The following THBS2 variants were observed in gnomAD, a reference collection of about 807,000 sequenced individuals.
THBS2 encodes the protein thrombospondin-2.
A neutral mutation model predicts 135.2 loss-of-function variants in THBS2; 47 were observed. That is an observed-to-expected ratio of 0.35 (90% CI 0.28 to 0.44). THBS2 has a LOEUF of 0.44. Among genes scored for constraint, THBS2 ranks in the 20% least tolerant of loss-of-function variants. THBS2 has a pLI of 1.00. For missense variants in THBS2, 1,288 were observed against 1,603.1 expected (o/e 0.80, Z 3.36); for synonymous variants, 639 against 633.8 (o/e 1.01, Z -0.12).
intron 15 of THBS2, among the ~76,000 whole-genome samples, chr6:169,226,879 A>G (rs1009760187): frequency 6.6e-6 from 1 of 152,218 alleles, no homozygotes; most frequent in Non-Finnish European, 1.5e-5. Flanking sequence ...AGGAAGAGCC[A>G]GAACTGAGCT....
intron 21 of THBS2, among the ~76,000 whole-genome samples, chr6:169,219,325 T>G (rs1162468210): frequency 2.1e-4 from 8 of 38,858 alleles, no homozygotes; most frequent in African/African-American, 6.4e-4. Context: ...ATGAGATGGG[T>G]GGGTGTGTGG....
In THBS2 at chr6:169,248,472, G is replaced by T. The variant is rs769719849; in HGVS notation, c.554C>A (p.Ala185Glu). Residue 185 changes from alanine (A) to glutamate (E), a missense_variant, in exon 3 of 22, where the codon GCG becomes GAG. Physicochemically the swap from Ala to Glu is moderately radical, Grantham distance 107 (BLOSUM62 -1). This residue lies in a region of THBS2 where 414 missense variants were observed against 447.0 expected (regional missense o/e 0.93). Transcript: ENST00000617924. ...LDEPFYEHLQ[A>E]EKSRMYVAKG... The stretch of plus-strand genomic sequence containing the variant: ...GGCCACGTACATCCGGCTCTTTTCC[G>T]CCTGCAGGTGCTCGTAGAAGGGCTC... The T allele has an allele frequency of 1.2e-6, 2 of 1,613,084 alleles. No individual in the cohort carries two copies. Among genetic ancestry groups the T allele is most frequent in the African/African-American group, 1.3e-5 (1 of 75,016 alleles).
intron 7 of THBS2, 33 bp downstream of exon 7, chr6:169,239,566 T>C (rs1324347454): frequency 3.2e-6 from 5 of 1,545,322 alleles, no homozygotes; most frequent in Non-Finnish European, 4.4e-6. Flanking sequence ...TTCCTAAAAA[T>C]GCAGGATGCG....
At chr6:169,222,053 A>ATCTT in intron 19 of THBS2, 144 bp downstream of exon 19, 1 of 995,876 alleles carries the variant, frequency 1.0e-6, no homozygotes, top group African/African-American at 1.6e-5. Flanking sequence ...GTCTATAATA[A>ATCTT]AGTAAGATTA....
At position 169,248,611 on chromosome 6, in the gene THBS2, G is replaced by A; in HGVS notation, c.415C>T (p.Leu139=). 6.2e-7 allele frequency: 1 copy of A among 1,614,098 alleles called. No individual in the cohort carries two copies. The highest frequency in any genetic ancestry group is 1.6e-4 in the Middle Eastern group (1 of 6,062). ...GAGTCAGCCAGGCCGACGTCCTCCA[G>A]GGAGACCACATGCCGGGTGCCGTCA... ...WIDGTRHVVS[L]EDVGLADSQW... The change falls in exon 3 of 22, where the codon CTG becomes TTG. Residue 139 remains leucine, a synonymous_variant. Transcript: ENST00000617924.
chr6:169,219,337 T>TGGGG (rs1779331398), intron 21 of THBS2, among the ~76,000 whole-genome samples: 2 of 30,002 alleles, frequency 6.7e-5, no homozygotes, highest in Non-Finnish European at 1.2e-4. Context: ...GGTGTGTGGG[T>TGGGG]GGGTGGATGG....
rs995308146 is a variant in THBS2, at chr6:169,232,962, A to G, written c.1707T>C (p.Asp569=). Residue 569 remains aspartate (D), a synonymous_variant, in exon 11 of 22, where the codon GAT becomes GAC. Coordinates refer to ENST00000617924, the MANE Select transcript of THBS2 (RefSeq NM_003247.5). ...GGCAGGAGCCGCATGACCAGGACCC[A>G]TCGGGGAAGCTGCTGCACTGGGCTC... ...FPGAQCSSFP[D]GSWSCGSCPV... is the part of the protein sequence containing the mutation. The G allele has an allele frequency of 5.8e-6, 9 of 1,560,264 alleles. No individual in the cohort carries two copies. The highest frequency in any genetic ancestry group is 5.4e-5 in the African/African-American group (4 of 74,006).
intron 21 of THBS2, chr6:169,219,844 TCCTG>T (rs1554244288): frequency 7.3e-6 from 4 of 550,956 alleles, no homozygotes; most frequent in African/African-American, 1.9e-5. Flanking sequence ...CTTCTTTCCT[TCCTG>T]CCTGCCTGCC....
At position 169,216,098 on chromosome 6, in the gene THBS2, G is replaced by A. The variant is rs932415819; in HGVS notation, c.*1724C>T. 2 of 152,132 alleles carry A rather than the reference G, an allele frequency of 1.3e-5. No individual in the cohort carries two copies. The highest frequency in any genetic ancestry group is 4.8e-5 in the African/African-American group (2 of 41,404). 9.4% of individuals were successfully genotyped at this position (152,132 alleles called of 1,614,324 possible). ...GTTGACAGTCGCTACATTTAATGAA[G>A]TATCCCAACGCTTCGTTGGTCTCGG... On this transcript the variant is annotated 3_prime_UTR_variant, in exon 22 of 22. Coordinates refer to ENST00000617924, the MANE Select transcript of THBS2 (RefSeq NM_003247.5).
intron 10 of THBS2, 128 bp from the exon 11 acceptor site, chr6:169,233,145 G>A: frequency 1.1e-5 from 14 of 1,313,936 alleles, no homozygotes; most frequent in South Asian, 4.9e-5. Flanking sequence ...GAACACTCTG[G>A]TGTGATTCTG....
rs1390580060 is a variant in THBS2, at chr6:169,216,859, A to AAT, written c.*961_*962dup. 2.0e-5 allele frequency: 3 copies of AAT among 152,222 alleles called. No homozygotes were observed. The highest frequency in any genetic ancestry group is 4.4e-5 in the Non-Finnish European group (3 of 68,046). The allele number at this position is 152,222 out of a possible 1,614,324, so 9.4% of individuals were successfully genotyped here. A position where few individuals can be genotyped will look rare whatever the true frequency, so the allele number is the denominator to read the frequency against. ...ATATTTATAACTGGAACCTTAATGA[A>AAT]ATGTATCATCAAATCAGGTAAAAGC... On this transcript the variant is annotated 3_prime_UTR_variant, in exon 22 of 22. Coordinates refer to ENST00000617924, the MANE Select transcript of THBS2 (RefSeq NM_003247.5).
At chr6:169,246,406 T>A in intron 3 of THBS2, 125 bp from the exon 4 acceptor site, 1 of 778,548 alleles carries the variant, frequency 1.3e-6, no homozygotes, top group African/African-American at 1.7e-5. Flanking sequence ...TCCTTCTACG[T>A]AGCAGGTTTG....
chr6:169,239,660 C>T lies in THBS2; in HGVS notation c.1068G>A (p.Pro356=), dbSNP rs1013908512. ...AGGATGGACTGGCGCAGGTTGCAGG[C>T]GGGCAGGTGATTTGGTGGCAAATGG... ...FKTICHQITC[P]PATCASPSFV... is the part of the protein sequence containing the mutation. Residue 356 remains proline (P), a synonymous_variant, in exon 7 of 22, where the codon CCG becomes CCA. Coordinates refer to ENST00000617924, the MANE Select transcript of THBS2 (RefSeq NM_003247.5). The T allele has an allele frequency of 6.9e-6, 11 of 1,604,436 alleles. No homozygotes were observed. Among genetic ancestry groups the T allele is most frequent in the East Asian group, 6.7e-5 (3 of 44,718 alleles).
At chr6:169,232,342 C>T (rs2114995235) in intron 12 of THBS2, 144 bp from the exon 13 acceptor site, 10 of 937,056 alleles carry the variant, frequency 1.1e-5, no homozygotes, top group East Asian at 2.5e-5. Flanking sequence ...TTTCTGGACA[C>T]GCACTTGAGG....
At position 169,241,936 on chromosome 6, in the gene THBS2, C is replaced by T. The variant is rs201623826; in HGVS notation, c.717G>A (p.Glu239=). Residue 239 remains glutamate (E), a synonymous_variant, in exon 5 of 22, where the codon GAG becomes GAA. Transcript: ENST00000617924. The surrounding 1 kb of genome is among the most constrained non-coding windows in gnomAD (Gnocchi z 5.5). ...GQGAEINAIS[E]NTETLRLGPH... ...GACCCAGGCGCAGCGTCTCTGTGTT[C>T]TCACTGATGGCGTTGATCTCAGCTG... The T allele has an allele frequency of 1.2e-6, 2 of 1,611,010 alleles. No homozygotes were observed. Among genetic ancestry groups the T allele is most frequent in the East Asian group, 4.5e-5 (2 of 44,862 alleles).
In THBS2 at chr6:169,241,579, A is replaced by G. The variant is rs1459818356; in HGVS notation, c.891+183T>C. 6.6e-6 allele frequency among the ~76,000 whole-genome samples: 1 copy of G among 152,062 alleles called. No individual in the cohort carries two copies. The highest frequency in any genetic ancestry group is 1.5e-5 in the Non-Finnish European group (1 of 68,014). On this transcript the variant is annotated intron_variant, in intron 5 of 21. Transcript: ENST00000617924. This position sits in a 1 kb window ranked among gnomAD's most constrained non-coding sequence, Gnocchi z 5.5. ...CCCAAGATCTACCCAACTTCCCTCT[A>G]ACAATGCTGAATATTGAGCAAGGAT... is the stretch of plus-strand genomic sequence containing the variant.
intron 21 of THBS2, among the ~76,000 whole-genome samples, chr6:169,219,021 G>GAT (rs1463081185): frequency 2.4e-5 from 3 of 126,042 alleles, no homozygotes; most frequent in Admixed American, 2.3e-4. Flanking sequence ...GATGAGATGA[G>GAT]TGGATGGATG....
rs2114961904 is a variant in THBS2 at position 169,217,553 on chromosome 6, A to T, written c.*269T>A. 2.2e-6 allele frequency: 1 copy of T among 446,340 alleles called. No homozygotes were observed. The highest frequency in any genetic ancestry group is 3.4e-5 in the East Asian group (1 of 29,822). The allele number at this position is 446,340 out of a possible 1,614,324, so 27.6% of individuals were successfully genotyped here. A position where few individuals can be genotyped will look rare whatever the true frequency, so the allele number is the denominator to read the frequency against. On this transcript the variant is annotated 3_prime_UTR_variant, in exon 22 of 22. Transcript: ENST00000617924. The stretch of plus-strand genomic sequence containing the variant: ...AAACAAGAAAAAGCAATGTAATGGC[A>T]TGCCCAATTTTCACTCCACATAAAG...
rs368189320 is a variant in THBS2, at chr6:169,221,834, G to A, written c.3274-307C>T. ...ATCTTCTCTTTCCTTGATATGGGAT[G>A]TTGGGCAAAATTCTTGAAGTTTTGA... On this transcript the variant is annotated intron_variant, in intron 19 of 21. Coordinates refer to ENST00000617924, the MANE Select transcript of THBS2 (RefSeq NM_003247.5). Among the ~76,000 whole-genome samples, 16 of 152,258 alleles carry A rather than the reference G, an allele frequency of 1.1e-4. No homozygotes were observed. In the South Asian group the frequency reaches 1.9e-3, roughly 18 times the overall value.
Sources: allele counts gnomAD v4.1 joint callset (sites outside exome capture counted in the v4.1 genomes callset), GRCh38; gene constraint gnomAD v4.1.1; regional missense constraint gnomAD v4.1.1; non-coding constraint Gnocchi (gnomAD v3.1); transcripts MANE v1.5; gene names NCBI Gene and HGNC (gene_info 2026-07-23, HGNC 2026-07-21).